The following FANCB variants were observed in gnomAD, a reference collection of about 807,000 sequenced individuals.
FANCB encodes the protein FA complementation group B.
Under a neutral mutation model 38.9 loss-of-function variants are expected in FANCB, and 5 were observed. The observed-to-expected ratio is 0.13, with a 90% confidence interval of 0.07 to 0.27. The LOEUF is 0.27. FANCB is among the 10% of genes least tolerant of loss of function. The pLI is 1.00. For synonymous variants in FANCB, 236 were observed against 215.4 expected (o/e 1.10, Z -0.84); for missense variants, 573 against 602.7 (o/e 0.95, Z 0.52).
chrX:14,833,820 C>A (rs182424561), downstream of FANCB, among the ~76,000 whole-genome samples: 159 of 111,106 alleles, frequency 1.4e-3, 2 homozygotes, highest in Non-Finnish European at 1.7e-3. Context: ...ATAAAAACCA[C>A]TATTTATATA....
chrX:14,718,522 A>G, the FANCB span, among the ~76,000 whole-genome samples: 60 of 112,244 alleles, frequency 5.3e-4, no homozygotes, highest in African/African-American at 1.8e-3. Flanking sequence ...GGAATTTGTA[A>G]AAGGCAGAGT....
At chrX:14,720,715 GT>G in the FANCB span, among the ~76,000 whole-genome samples, 278 of 111,951 alleles carry the variant, frequency 2.5e-3, 1 homozygote, top group African/African-American at 8.7e-3. Context: ...AGGGGCACTT[GT>G]TTGCCACTGA....
the FANCB span, among the ~76,000 whole-genome samples, chrX:14,693,457 C>T: frequency 9.0e-6 from 1 of 111,225 alleles, no homozygotes; most frequent in East Asian, 2.8e-4. Context: ...AATAACATGG[C>T]CTCAGAATAC....
downstream of FANCB, among the ~76,000 whole-genome samples, chrX:14,838,515 C>A (rs1343978458): frequency 1.8e-5 from 2 of 111,496 alleles, no homozygotes; most frequent in African/African-American, 6.5e-5. Context: ...CCCCATCACA[C>A]CCCCAATGTT....
chrX:14,846,832 A>G (rs2092378989), intron 7 of FANCB, among the ~76,000 whole-genome samples: 1 of 106,403 alleles, frequency 9.4e-6, no homozygotes, highest in Non-Finnish European at 2.0e-5. Flanking sequence ...CTTTGCATGA[A>G]AAAAAAAAAA....
At chrX:14,740,796 C>T in the FANCB span, among the ~76,000 whole-genome samples, 1 of 112,048 alleles carries the variant, frequency 8.9e-6, no homozygotes, top group African/African-American at 3.2e-5. Flanking sequence ...GCTCAAATGC[C>T]TTCTTATCAG....
chrX:14,704,355 A>T, the FANCB span, among the ~76,000 whole-genome samples: 2 of 112,185 alleles, frequency 1.8e-5, no homozygotes, highest in African/African-American at 6.5e-5. Context: ...TTGGTGTAAG[A>T]TTCTTTTTTT....
At chrX:14,781,947 T>C in the FANCB span, among the ~76,000 whole-genome samples, 1 of 111,697 alleles carries the variant, frequency 9.0e-6, no homozygotes, top group African/African-American at 3.3e-5. Flanking sequence ...ATGTTGGTCA[T>C]GGATTGGAAA....
chrX:14,722,531 G>A, the FANCB span, among the ~76,000 whole-genome samples: 87 of 111,463 alleles, frequency 7.8e-4, no homozygotes, highest in African/African-American at 2.8e-3. Context: ...AAGTGGAGGG[G>A]ATACAGACCC....
At chrX:14,804,195 T>C in the FANCB span, among the ~76,000 whole-genome samples, 8 of 111,898 alleles carry the variant, frequency 7.1e-5, no homozygotes, top group Non-Finnish European at 1.1e-4. Context: ...ATATGTTTAT[T>C]GCGGCACTAT....
chrX:14,829,560 TC>T, the FANCB span, among the ~76,000 whole-genome samples: 3 of 111,752 alleles, frequency 2.7e-5, no homozygotes, highest in South Asian at 1.1e-3. Flanking sequence ...TGACCTTAGA[TC>T]TTCCAGATAA....
At chrX:14,738,846 G>A in the FANCB span, among the ~76,000 whole-genome samples, 5 of 111,688 alleles carry the variant, frequency 4.5e-5, no homozygotes, top group Admixed American at 1.9e-4. Context: ...TTCTAAAAGC[G>A]AAATTTCCAA....
the FANCB span, among the ~76,000 whole-genome samples, chrX:14,703,427 T>C: frequency 9.8e-5 from 11 of 111,957 alleles, no homozygotes; most frequent in South Asian, 3.4e-3. Flanking sequence ...CTGACCACAG[T>C]TGAGAAAGGT....
the FANCB span, among the ~76,000 whole-genome samples, chrX:14,689,907 CT>C: frequency 8.9e-6 from 1 of 112,182 alleles, no homozygotes. Flanking sequence ...TCAGAATCTA[CT>C]TTGTCAAATT....
the FANCB span, among the ~76,000 whole-genome samples, chrX:14,786,368 G>C: frequency 4.5e-5 from 5 of 110,776 alleles, no homozygotes. Context: ...GTTGAAAAAA[G>C]CCTTGTCTCA....
At chrX:14,858,087 T>C in intron 4 of FANCB, 133 bp from the exon 5 acceptor site, 1 of 468,718 alleles carries the variant, frequency 2.1e-6, no homozygotes, top group East Asian at 4.1e-5. Context: ...AAATACACAC[T>C]ATTTTATAAA....
the FANCB span, among the ~76,000 whole-genome samples, chrX:14,779,276 C>G: frequency 8.9e-6 from 1 of 112,284 alleles, no homozygotes; most frequent in African/African-American, 3.2e-5. Context: ...CTGGGGAACC[C>G]AATCCAACAC....
At chrX:14,771,477 C>T in the FANCB span, among the ~76,000 whole-genome samples, 1 of 111,711 alleles carries the variant, frequency 9.0e-6, no homozygotes, top group Non-Finnish European at 1.9e-5. Flanking sequence ...TATTTTTCAG[C>T]TCCATCAGGT....
chrX:14,803,822 A>T, the FANCB span, among the ~76,000 whole-genome samples: 2 of 111,898 alleles, frequency 1.8e-5, no homozygotes, highest in Non-Finnish European at 3.8e-5. Flanking sequence ...AAGTGGGCAA[A>T]GGATATGAAC....
Sources: gnomAD v4.1 joint callset for allele counts (sites outside exome capture counted in the v4.1 genomes callset) on GRCh38, gnomAD v4.1.1 for gene constraint, MANE v1.5 for transcripts, NCBI Gene and HGNC (gene_info 2026-07-23, HGNC 2026-07-21) for gene names.